FCSK: variants seen among roughly 807,000 people sequenced by gnomAD.
FCSK encodes the protein fucose kinase, also known as L-fucose kinase.
FCSK carries 123 observed loss-of-function variants against 122.5 expected under a neutral mutation model. That is an observed-to-expected ratio of 1.00 (90% CI 0.87 to 1.17). The LOEUF (loss-of-function observed/expected upper bound fraction) is 1.17. Among genes scored for constraint, FCSK ranks in the 50% most tolerant of loss-of-function variants. The pLI is 0.00. For missense variants in FCSK, 1,366 were observed against 1,450.4 expected, an observed-to-expected ratio of 0.94 and a Z score of 0.95; for synonymous variants, 620 against 625.5, an observed-to-expected ratio of 0.99 and a Z score of 0.13.
At chr16:70,457,247 ACT>A (rs1044448229) in intron 1 of FCSK, among the ~76,000 whole-genome samples, 1 of 151,504 alleles carries the variant, frequency 6.6e-6, no homozygotes, top group Non-Finnish European at 1.5e-5. Context: ...GGGCCATTGG[ACT>A]CTCTGGGGCA....
chr16:70,472,580 G>T lies in FCSK; in HGVS notation c.1381G>T (p.Glu461Ter). The change falls in exon 14 of 24, where the codon GAA becomes TAA. Residue 461 changes from glutamate to a stop codon, truncating the protein, a stop_gained. Coordinates refer to ENST00000288078, the MANE Select transcript of FCSK (RefSeq NM_145059.3). LOFTEE classifies it high-confidence loss of function. Reference sequence around the variant, plus strand: ...CACATATCTCAACGTGCCCTGGAGTGAATTCTTCAAGAGGACAGGTGTTCG... The same window carrying T: ...CACATATCTCAACGTGCCCTGGAGTTAATTCTTCAAGAGGACAGGTGTTCG... The part of the protein sequence containing the change: ...AGTYLNVPWS[E>*]FFKRTGVRAW... 6 of 1,613,330 alleles carry T rather than the reference G, an allele frequency of 3.7e-6. No homozygotes were observed. Among genetic ancestry groups the T allele is most frequent in the Non-Finnish European group, 5.1e-6 (6 of 1,179,688 alleles).
Position 70,479,313 on chromosome 16 carries a change from G to A in FCSK, c.3063G>A (p.Leu1021=), listed in dbSNP as rs1192515618. Reference sequence around the variant, plus strand: ...CCCCCCACGTGCATGGCCAGAGCCTGGCTGGGGCAGGCGGTGGAGGCTTTC... The same window carrying A: ...CCCCCCACGTGCATGGCCAGAGCCTAGCTGGGGCAGGCGGTGGAGGCTTTC... The part of the protein sequence containing the change: ...VLAPHVHGQS[L]AGAGGGGFLY... Residue 1021 remains leucine (L), a synonymous_variant, in exon 23 of 24, where the codon CTG becomes CTA. Transcript: ENST00000288078. 2 of 1,614,054 alleles carry A rather than the reference G, an allele frequency of 1.2e-6. No homozygotes were observed. Among genetic ancestry groups the A allele is most frequent in the Non-Finnish European group, 1.7e-6 (2 of 1,180,044 alleles).
At position 70,469,333 on chromosome 16, in the gene FCSK, G is replaced by C. The variant is rs2048535554; in HGVS notation, c.955+10G>C. On this transcript the variant is annotated intron_variant, in intron 10 of 23. Transcript: ENST00000288078. ...CAGCCCCTTACCATGGGTGGGTACT[G>C]CCTCTCAGCTCCCTGGGGTGGGGAG... is the stretch of plus-strand genomic sequence containing the variant. 1 of 1,578,060 alleles carries C rather than the reference G, an allele frequency of 6.3e-7. No individual in the cohort carries two copies. Among genetic ancestry groups the C allele is most frequent in the African/African-American group, 1.3e-5 (1 of 74,314 alleles).
chr16:70,473,169 G>C lies in FCSK; in HGVS notation c.1593G>C (p.Glu531Asp). The change falls in exon 15 of 24, where the codon GAG becomes GAC. Residue 531 changes from glutamate to aspartate, a missense_variant. Physicochemically the swap from Glu to Asp is conservative, Grantham distance 45. Transcript: ENST00000288078. This position sits in a 1 kb window ranked among gnomAD's most constrained non-coding sequence, Gnocchi z 4.9. ...AWRASWRLSWEQLQPCLDRAA... is the reference protein window; with the variant it reads ...AWRASWRLSWDQLQPCLDRAA... ...GGGCCTCCTGGCGCCTGTCCTGGGA[G>C]CAGCTGCAGCCGTGCCTGGATCGGG... is the stretch of plus-strand genomic sequence containing the variant. 1 of 1,543,632 alleles carries C rather than the reference G, an allele frequency of 6.5e-7. No individual in the cohort carries two copies. Among genetic ancestry groups the C allele is most frequent in the Non-Finnish European group, 8.7e-7 (1 of 1,147,686 alleles).
chr16:70,469,183 T>C lies in FCSK; in HGVS notation c.815T>C (p.Met272Thr). ...CTGTTTTTTGACATTCTCCACTGCA[T>C]GGCTGAGAACGTGACCAGGGAGGAC... ...LSLFFDILHC[M>T]AENVTREDFL... The change falls in exon 10 of 24, where the codon ATG becomes ACG. Residue 272 changes from methionine (M) to threonine (T), a missense_variant. Met to Thr is a moderately conservative substitution (Grantham distance 81, BLOSUM62 -1). Transcript: ENST00000288078. 6.2e-7 allele frequency: 1 copy of C among 1,614,180 alleles called. No individual in the cohort carries two copies. Among genetic ancestry groups the C allele is most frequent in the Non-Finnish European group, 8.5e-7 (1 of 1,180,030 alleles).
rs2048720545 is a variant in FCSK, at chr16:70,474,196, C to A, written c.1845C>A (p.Gly615=). 1.9e-6 allele frequency: 3 copies of A among 1,576,582 alleles called. No homozygotes were observed. Among genetic ancestry groups the A allele is most frequent in the Non-Finnish European group, 2.6e-6 (3 of 1,162,124 alleles). The change falls in exon 16 of 24, where the codon GGC becomes GGA. Residue 615 remains glycine, a synonymous_variant. Transcript: ENST00000288078. ...RALACVADVL[G]CMAEGRGGLR... is the part of the protein sequence containing the mutation. ...TGGCCTGTGTGGCGGACGTCCTGGG[C>A]TGCATGGCAGAGGGCCGTGGGGGCT...
At chr16:70,466,794 T>G in intron 5 of FCSK, 88 bp from the exon 6 acceptor site, 1 of 1,241,994 alleles carries the variant, frequency 8.1e-7, no homozygotes, top group Non-Finnish European at 1.1e-6. Context: ...CCCTTGTTAC[T>G]TCAACAGCAC....
chr16:70,475,098 G>A, intron 18 of FCSK, 87 bp downstream of exon 18: 1 of 1,284,138 alleles, frequency 7.8e-7, no homozygotes, highest in Admixed American at 2.3e-5. Context: ...GTGGGGTCTG[G>A]CCTGAGGGCC....
chr16:70,460,535 G>C (rs754895899), intron 1 of FCSK, among the ~76,000 whole-genome samples: 3 of 152,066 alleles, frequency 2.0e-5, no homozygotes, highest in Non-Finnish European at 4.4e-5. Context: ...CTCCTGAGTA[G>C]CTGGGACTAC....
chr16:70,460,172 C>A (rs140755770), intron 1 of FCSK, among the ~76,000 whole-genome samples: 4 of 133,300 alleles, frequency 3.0e-5, no homozygotes, highest in African/African-American at 1.2e-4. Context: ...AGTGCAGTGG[C>A]GTGATCTCTG....
At chr16:70,478,798 G>A (rs1227390848) in intron 22 of FCSK, 148 bp downstream of exon 22, 1 of 745,000 alleles carries the variant, frequency 1.3e-6, no homozygotes, top group Admixed American at 2.0e-5. Context: ...CCTCTCCAGG[G>A]TCTCACATTT....
intron 3 of FCSK, among the ~76,000 whole-genome samples, chr16:70,464,512 C>T (rs1032517344): frequency 2.0e-5 from 3 of 151,944 alleles, no homozygotes; most frequent in African/African-American, 7.3e-5. Context: ...ATTAGCTGGG[C>T]CTGGTTGCAC....
Position 70,466,972 on chromosome 16 carries a change from T to C in FCSK, c.484+18T>C, listed in dbSNP as rs56366805. ...AAATCCTGGTGAGCCTGAGACTACC[T>C]GGGACTGCCTTCCTTCGTCACAGCC... On this transcript the variant is annotated intron_variant, in intron 6 of 23. Transcript: ENST00000288078. 7.5e-3 allele frequency: 12,086 copies of C among 1,609,716 alleles called. 58 individuals carry two copies. The highest frequency in any genetic ancestry group is 8.9e-3 in the Non-Finnish European group (10,511 of 1,176,930).
chr16:70,468,410 ACT>A (rs917488111), intron 8 of FCSK, among the ~76,000 whole-genome samples: 5 of 152,164 alleles, frequency 3.3e-5, no homozygotes, highest in African/African-American at 1.2e-4. Flanking sequence ...ACAGAGCGAG[ACT>A]CTGAATCAAT....
intron 10 of FCSK, 43 bp downstream of exon 10, chr16:70,469,366 G>T: frequency 6.5e-7 from 1 of 1,528,706 alleles, no homozygotes; most frequent in South Asian, 1.2e-5. Flanking sequence ...GAGACCATGG[G>T]AGTGAGGACC....
intron 18 of FCSK, 77 bp downstream of exon 18, chr16:70,475,088 G>C: frequency 7.3e-7 from 1 of 1,376,272 alleles, no homozygotes; most frequent in Non-Finnish European, 9.9e-7. Flanking sequence ...CTGCAGGCCA[G>C]TGGGGTCTGG....
intron 1 of FCSK, chr16:70,457,993 C>T (rs1434594946): frequency 6.6e-6 from 1 of 151,556 alleles, no homozygotes; most frequent in Non-Finnish European, 1.5e-5. Context: ...GCAACTTTGA[C>T]TATAGCGTCT....
chr16:70,473,254 C>T lies in FCSK; in HGVS notation c.1678C>T (p.His560Tyr). 3 of 1,533,054 alleles carry T rather than the reference C, an allele frequency of 2.0e-6. No individual in the cohort carries two copies. Among genetic ancestry groups the T allele is most frequent in the Non-Finnish European group, 2.6e-6 (3 of 1,144,136 alleles). The allele number at this position is 1,533,054 out of a possible 1,614,324, so 95.0% of individuals were successfully genotyped here. The change falls in exon 15 of 24, where the codon CAC becomes TAC. Residue 560 changes from histidine (H) to tyrosine (Y), a missense_variant. Transcript: ENST00000288078. This position sits in a 1 kb window ranked among gnomAD's most constrained non-coding sequence, Gnocchi z 4.9. ...FFRQALHKAR[H>Y]VLEARQDLSL... Reference sequence around the variant, plus strand: ...CCGCCAGGCCCTGCATAAGGCGCGGCACGTGCTGGAGGCCCGGCAGGACCT... The same window carrying T: ...CCGCCAGGCCCTGCATAAGGCGCGGTACGTGCTGGAGGCCCGGCAGGACCT...
intron 22 of FCSK, 33 bp downstream of exon 22, chr16:70,478,683 TG>T (rs2048896179): frequency 6.4e-7 from 1 of 1,566,538 alleles, no homozygotes; most frequent in South Asian, 1.1e-5. Context: ...GTCAGGGCAC[TG>T]GGAGCGAGTA....
Sources: allele counts gnomAD v4.1 joint callset (sites outside exome capture counted in the v4.1 genomes callset), GRCh38; gene constraint gnomAD v4.1.1; non-coding constraint Gnocchi (gnomAD v3.1); transcripts MANE v1.5; gene names NCBI Gene and HGNC (gene_info 2026-07-23, HGNC 2026-07-21).